The following TWIST2 variants were observed in gnomAD, a reference collection of about 807,000 sequenced individuals.
The protein encoded by TWIST2 is twist-related protein 2.
Under a neutral mutation model 11.6 loss-of-function variants are expected in TWIST2, and 1 was observed. The ratio of observed to expected loss-of-function variants is 0.09; its 90% CI spans 0.03 to 0.41. The LOEUF (loss-of-function observed/expected upper bound fraction) is 0.41. Among genes scored for constraint, TWIST2 ranks in the 10% least tolerant of loss-of-function variants. TWIST2 has a pLI of 0.98. For synonymous variants in TWIST2, 87 were observed against 96.6 expected (o/e 0.90, Z 0.58); for missense variants, 168 against 226.4 (o/e 0.74, Z 1.66).
chr2:238,886,095 CAAAA>C (rs67714100), intron 1 of TWIST2, among the ~76,000 whole-genome samples: 1 of 123,252 alleles, frequency 8.1e-6, no homozygotes, highest in Non-Finnish European at 1.7e-5. Flanking sequence ...GACTCCATCT[CAAAA>C]AAAAAAAAAA....
chr2:238,897,289 C>T lies in TWIST2; in HGVS notation c.*36-12553C>T, dbSNP rs899695128. On this transcript the variant is annotated intron_variant, in intron 1 of 1. Transcript: ENST00000612363. ...GGGATGGTAAGCTTTTGCTGTTTCC[C>T]TTGTGATTTTCTGTCCTCCGCGCGC... Among the ~76,000 whole-genome samples, 255 of 152,120 alleles carry T rather than the reference C, an allele frequency of 1.7e-3. 2 individuals are homozygous for T. Among genetic ancestry groups the T allele is most frequent in the Non-Finnish European group, 1.9e-3 (128 of 68,024 alleles).
At chr2:238,889,782 T>C (rs768430497) in intron 1 of TWIST2, among the ~76,000 whole-genome samples, 1 of 152,236 alleles carries the variant, frequency 6.6e-6, no homozygotes, top group Non-Finnish European at 1.5e-5. Flanking sequence ...AGTGCGTTCA[T>C]TACAGATTTC....
At chr2:238,871,826 A>T (rs1283199873) in intron 1 of TWIST2, among the ~76,000 whole-genome samples, 1 of 152,066 alleles carries the variant, frequency 6.6e-6, no homozygotes, top group Non-Finnish European at 1.5e-5. Flanking sequence ...CTCCACTTAC[A>T]CGGGGAACCT....
At chr2:238,893,968 C>T (rs1050202054) in intron 1 of TWIST2, among the ~76,000 whole-genome samples, 5,671 of 152,180 alleles carry the variant, frequency 0.037, 174 homozygotes, top group South Asian at 0.11. Flanking sequence ...CTTGCCTCTC[C>T]TACCACGTGC....
intron 1 of TWIST2, among the ~76,000 whole-genome samples, chr2:238,906,778 C>T (rs1389541342): frequency 6.6e-6 from 1 of 152,176 alleles, no homozygotes; most frequent in Admixed American, 6.5e-5. Flanking sequence ...CACGGTGACC[C>T]CTCTCCTGGC....
chr2:238,891,196 C>T (rs765699629), intron 1 of TWIST2, among the ~76,000 whole-genome samples: 29 of 152,228 alleles, frequency 1.9e-4, no homozygotes, highest in Non-Finnish European at 3.2e-4. Flanking sequence ...AACACGTTTT[C>T]CAGAGCCGTC....
chr2:238,880,173 T>C, intron 1 of TWIST2, among the ~76,000 whole-genome samples: 1 of 152,306 alleles, frequency 6.6e-6, no homozygotes, highest in African/African-American at 2.4e-5. Context: ...GTATTGGTGT[T>C]AGTGTTAGTA....
intron 1 of TWIST2, among the ~76,000 whole-genome samples, chr2:238,908,505 A>C (rs1693394702): frequency 6.6e-6 from 1 of 152,070 alleles, no homozygotes; most frequent in Admixed American, 6.5e-5. Flanking sequence ...TACATACCCC[A>C]CACCACACAC....
chr2:238,876,526 A>G (rs1391744218), intron 1 of TWIST2, among the ~76,000 whole-genome samples: 1 of 152,206 alleles, frequency 6.6e-6, no homozygotes, highest in Non-Finnish European at 1.5e-5. Flanking sequence ...TAGATTAGAA[A>G]AAATAAAGAT....
chr2:238,887,662 C>T (rs962993319), intron 1 of TWIST2, among the ~76,000 whole-genome samples: 4 of 152,128 alleles, frequency 2.6e-5, no homozygotes, highest in Non-Finnish European at 4.4e-5. Context: ...GAGGAAGCCT[C>T]GGTGCAGCTT....
At chr2:238,868,597 G>A (rs1194487200) in intron 1 of TWIST2, among the ~76,000 whole-genome samples, 1 of 152,190 alleles carries the variant, frequency 6.6e-6, no homozygotes, top group East Asian at 1.9e-4. Flanking sequence ...GATGGAAGAT[G>A]CTGTTTCCCA....
chr2:238,894,469 G>C (rs1490077640), intron 1 of TWIST2, among the ~76,000 whole-genome samples: 1 of 152,208 alleles, frequency 6.6e-6, no homozygotes, highest in Non-Finnish European at 1.5e-5. Context: ...CTGTCTCCAT[G>C]TGGTCCTGGC....
chr2:238,848,207 G>A lies in TWIST2; in HGVS notation c.-9G>A. On this transcript the variant is annotated 5_prime_UTR_variant, in exon 1 of 2. Transcript: ENST00000612363. ...GCGCCCCCAGCCCCACGCGCGCCGG[G>A]CGGGCGCCATGGAGGAGGGCTCCAG... The A allele has an allele frequency of 1.5e-6, 2 of 1,299,112 alleles. No individual in the cohort carries two copies. Among genetic ancestry groups the A allele is most frequent in the Non-Finnish European group, 1.9e-6 (2 of 1,025,852 alleles). The allele number at this position is 1,299,112 out of a possible 1,614,324, so 80.5% of individuals were successfully genotyped here.
intron 1 of TWIST2, among the ~76,000 whole-genome samples, chr2:238,874,600 A>C (rs538938248): frequency 6.6e-6 from 1 of 152,332 alleles, no homozygotes; most frequent in East Asian, 1.9e-4. Context: ...AAAAATCTTT[A>C]ATATTACATA....
At chr2:238,909,648 G>C (rs1003246015) in intron 1 of TWIST2, among the ~76,000 whole-genome samples, 194 bp from the exon 2 acceptor site, 17 of 152,104 alleles carry the variant, frequency 1.1e-4, no homozygotes, top group African/African-American at 3.6e-4. Flanking sequence ...GGCAGGGGTT[G>C]CGGAAGCCTG....
chr2:238,909,530 C>G (rs1559286328), intron 1 of TWIST2, among the ~76,000 whole-genome samples: 1 of 152,138 alleles, frequency 6.6e-6, no homozygotes, highest in East Asian at 1.9e-4. Flanking sequence ...TTCATGGCTG[C>G]GCTGAGCACG....
At chr2:238,897,015 T>G (rs1306087319) in intron 1 of TWIST2, among the ~76,000 whole-genome samples, 1 of 152,096 alleles carries the variant, frequency 6.6e-6, no homozygotes. Flanking sequence ...AGGGGAACGT[T>G]GTAAAAAACA....
At chr2:238,865,788 T>C (rs1156372338) in intron 1 of TWIST2, among the ~76,000 whole-genome samples, 1 of 152,068 alleles carries the variant, frequency 6.6e-6, no homozygotes. Flanking sequence ...GTGGTGCCAG[T>C]GAATACACCA....
intron 1 of TWIST2, among the ~76,000 whole-genome samples, chr2:238,897,319 C>T (rs1317376865): frequency 3.3e-5 from 5 of 152,174 alleles, no homozygotes; most frequent in African/African-American, 1.2e-4. Flanking sequence ...GCGCGCCCCC[C>T]TGCCCCTGTG....
Sources: gnomAD v4.1 joint callset for allele counts (sites outside exome capture counted in the v4.1 genomes callset) on GRCh38, gnomAD v4.1.1 for gene constraint, MANE v1.5 for transcripts, NCBI Gene and HGNC (gene_info 2026-07-23, HGNC 2026-07-21) for gene names.